PDE4D: variants seen among roughly 807,000 people sequenced by gnomAD.
The protein encoded by PDE4D is phosphodiesterase 4D, also known as 3',5'-cyclic-AMP phosphodiesterase 4D.
A neutral mutation model predicts 87.4 loss-of-function variants in PDE4D; 24 were observed. That is an observed-to-expected ratio of 0.27 (90% CI 0.20 to 0.39). The LOEUF is 0.39. PDE4D is among the 10% of genes least tolerant of loss of function. The pLI, the probability that PDE4D is intolerant of heterozygous loss-of-function variation, is 1.00. For missense variants in PDE4D, 714 were observed against 1,041.0 expected (o/e 0.69, Z 4.32); for synonymous variants, 384 against 383.2 (o/e 1.00, Z -0.02).
chr5:60,288,340 G>A (rs546975337), intron 1 of PDE4D, among the ~76,000 whole-genome samples: 12 of 152,276 alleles, frequency 7.9e-5, no homozygotes, highest in Admixed American at 7.2e-4. Flanking sequence ...CCAAACCTCT[G>A]CTACATATTT....
At chr5:59,688,016 T>G (rs1476081552) in intron 1 of PDE4D, among the ~76,000 whole-genome samples, 1 of 152,158 alleles carries the variant, frequency 6.6e-6, no homozygotes, top group Non-Finnish European at 1.5e-5. Flanking sequence ...CAAGAAGAGC[T>G]AACTATCCTA....
chr5:59,809,427 C>G (rs901432760), intron 1 of PDE4D, among the ~76,000 whole-genome samples: 2 of 152,052 alleles, frequency 1.3e-5, no homozygotes, highest in African/African-American at 4.8e-5. Context: ...GTCGAAGGAA[C>G]TACAAAATAC....
At chr5:58,993,875 ATTAG>A (rs1222038272) in intron 6 of PDE4D, among the ~76,000 whole-genome samples, 2 of 152,188 alleles carry the variant, frequency 1.3e-5, no homozygotes, top group African/African-American at 4.8e-5. Flanking sequence ...AAGATGTATT[ATTAG>A]TTATTTAGAG....
At chr5:59,483,329 A>C (rs1804579597) in intron 1 of PDE4D, among the ~76,000 whole-genome samples, 1 of 152,116 alleles carries the variant, frequency 6.6e-6, no homozygotes, top group Admixed American at 6.6e-5. Flanking sequence ...AACCCTGACT[A>C]ATAAACATAG....
chr5:60,089,320 A>G (rs1012732261), intron 2 of PDE4D, among the ~76,000 whole-genome samples: 23 of 152,236 alleles, frequency 1.5e-4, no homozygotes, highest in Middle Eastern at 3.4e-3. Context: ...AAGTCAAAAA[A>G]GTCAAAATCA....
chr5:59,960,161 A>T (rs990480927), intron 3 of PDE4D, among the ~76,000 whole-genome samples: 1 of 152,192 alleles, frequency 6.6e-6, no homozygotes, highest in Non-Finnish European at 1.5e-5. Context: ...ATCTCACACC[A>T]GTCAGAATGG....
At chr5:59,857,860 G>T (rs1745670336) in intron 1 of PDE4D, among the ~76,000 whole-genome samples, 1 of 140,174 alleles carries the variant, frequency 7.1e-6, no homozygotes, top group African/African-American at 2.6e-5. Context: ...AAAGGAGGGA[G>T]AGCAGAAGGA....
At chr5:59,101,906 G>A (rs943778421) in intron 5 of PDE4D, among the ~76,000 whole-genome samples, 1 of 151,994 alleles carries the variant, frequency 6.6e-6, no homozygotes, top group African/African-American at 2.4e-5. Flanking sequence ...AATTGGGGAA[G>A]GGAGGCTTAA....
chr5:59,284,281 T>C (rs1410801661), intron 1 of PDE4D, among the ~76,000 whole-genome samples: 1 of 152,114 alleles, frequency 6.6e-6, no homozygotes, highest in East Asian at 1.9e-4. Flanking sequence ...TTTGGTTAAC[T>C]ATAAGCCACT....
At chr5:60,012,298 C>T (rs1296001573) in intron 2 of PDE4D, among the ~76,000 whole-genome samples, 1 of 152,134 alleles carries the variant, frequency 6.6e-6, no homozygotes, top group Non-Finnish European at 1.5e-5. Context: ...TAATGTATTT[C>T]TTTTGAATGC....
intron 1 of PDE4D, among the ~76,000 whole-genome samples, chr5:59,753,912 C>T (rs1365938584): frequency 6.6e-6 from 1 of 152,204 alleles, no homozygotes; most frequent in Non-Finnish European, 1.5e-5. Flanking sequence ...GATAATGTTT[C>T]TCTTTAATTT....
At chr5:59,130,616 G>A (rs1054272066) in intron 5 of PDE4D, among the ~76,000 whole-genome samples, 3 of 152,194 alleles carry the variant, frequency 2.0e-5, no homozygotes, top group Non-Finnish European at 2.9e-5. Context: ...AGTGGTCTGC[G>A]TAAGTCCTAG....
At chr5:60,037,167 G>C (rs2152864486) in intron 2 of PDE4D, among the ~76,000 whole-genome samples, 1 of 152,294 alleles carries the variant, frequency 6.6e-6, no homozygotes, top group Middle Eastern at 3.4e-3. Context: ...GGTGGGTAGG[G>C]ACAGGGAGAG....
chr5:59,732,246 G>A (rs1757461522), intron 1 of PDE4D, among the ~76,000 whole-genome samples: 1 of 151,952 alleles, frequency 6.6e-6, no homozygotes, highest in South Asian at 2.1e-4. Flanking sequence ...CTCTTCCTCT[G>A]TTTTACCTAA....
At chr5:59,767,388 A>C (rs1581001712) in intron 1 of PDE4D, among the ~76,000 whole-genome samples, 2 of 152,096 alleles carry the variant, frequency 1.3e-5, no homozygotes, top group East Asian at 3.9e-4. Flanking sequence ...CACTGATCAG[A>C]GTTTGGAATG....
intron 1 of PDE4D, among the ~76,000 whole-genome samples, chr5:59,455,977 G>A (rs1410190879): frequency 6.6e-6 from 1 of 152,186 alleles, no homozygotes; most frequent in Non-Finnish European, 1.5e-5. Flanking sequence ...TTGTATCTAG[G>A]AAGTAACTAA....
At chr5:59,458,274 C>A (rs1800223977) in intron 1 of PDE4D, among the ~76,000 whole-genome samples, 1 of 152,184 alleles carries the variant, frequency 6.6e-6, no homozygotes, top group Non-Finnish European at 1.5e-5. Context: ...ATTACCAGAA[C>A]TTGGGACATG....
chr5:59,211,734 T>TAC (rs1414326006), intron 2 of PDE4D, among the ~76,000 whole-genome samples: 1 of 152,098 alleles, frequency 6.6e-6, no homozygotes, highest in African/African-American at 2.4e-5. Flanking sequence ...GTTGATGATA[T>TAC]ACACACACCA....
At chr5:59,614,902 G>A (rs1186360736) in intron 1 of PDE4D, among the ~76,000 whole-genome samples, 2 of 151,508 alleles carry the variant, frequency 1.3e-5, no homozygotes, top group African/African-American at 2.4e-5. Flanking sequence ...CACAGTCTCG[G>A]TTCTGCAACC....
Sources: allele counts gnomAD v4.1 joint callset (sites outside exome capture counted in the v4.1 genomes callset), GRCh38; gene constraint gnomAD v4.1.1; transcripts MANE v1.5; gene names NCBI Gene and HGNC (gene_info 2026-07-23, HGNC 2026-07-21).